Variants in LPAR3 observed in about 807,000 individuals in gnomAD.
LPAR3 encodes the protein lysophosphatidic acid receptor 3.
LPAR3 carries 7 observed loss-of-function variants against 17.8 expected under a neutral mutation model. The ratio of observed to expected loss-of-function variants is 0.39; its 90% confidence interval spans 0.22 to 0.74. The LOEUF (loss-of-function observed/expected upper bound fraction) is 0.74, where lower values mean the gene tolerates loss of function less well. Ranked by LOEUF, LPAR3 falls within the 30% of genes least tolerant of loss-of-function variation. The pLI is 0.40. For synonymous variants in LPAR3, 179 were observed against 179.9 expected, an observed-to-expected ratio of 0.99 and a Z score of 0.04; for missense variants, 391 against 453.4, an observed-to-expected ratio of 0.86 and a Z score of 1.25.
Position 84,813,687 on chromosome 1 carries a change from A to G in LPAR3, c.*159T>C, listed in dbSNP as rs371332518. The G allele has an allele frequency of 3.3e-6, 2 of 612,730 alleles. No individual in the cohort carries two copies. Among genetic ancestry groups the G allele is most frequent in the Admixed American group, 3.0e-5 (1 of 33,856 alleles). The allele number at this position is 612,730 out of a possible 1,614,324, so 38.0% of individuals were successfully genotyped here. A position where few individuals can be genotyped will look rare whatever the true frequency, so the allele number is the denominator to read the frequency against. ...GCAGCAGGTCCTCTCTTTACTGCCCATGCTTTTAAACTATGAAAAAAAATT... is the reference window on the plus strand; with the variant it reads ...GCAGCAGGTCCTCTCTTTACTGCCCGTGCTTTTAAACTATGAAAAAAAATT... On this transcript the variant is annotated 3_prime_UTR_variant, in exon 3 of 3. Coordinates refer to ENST00000370611, the MANE Select transcript of LPAR3 (RefSeq NM_012152.3).
At chr1:84,862,063 T>C (rs1659950596) in intron 2 of LPAR3, among the ~76,000 whole-genome samples, 2 of 152,186 alleles carry the variant, frequency 1.3e-5, no homozygotes, top group African/African-American at 4.8e-5. Flanking sequence ...TATTATAATA[T>C]GATGAGAAAA....
chr1:84,830,018 C>T (rs1289012720), intron 2 of LPAR3, among the ~76,000 whole-genome samples: 2 of 152,176 alleles, frequency 1.3e-5, no homozygotes, highest in African/African-American at 4.8e-5. Flanking sequence ...TAGTCCCACA[C>T]CTGTAAAACC....
chr1:84,885,542 T>C (rs1407388763), intron 1 of LPAR3, among the ~76,000 whole-genome samples: 4 of 152,230 alleles, frequency 2.6e-5, no homozygotes. Context: ...TCTTTCTTCC[T>C]TTCCCTTCTC....
intron 2 of LPAR3, among the ~76,000 whole-genome samples, chr1:84,842,004 A>T (rs576549707): frequency 1.3e-5 from 2 of 152,204 alleles, no homozygotes; most frequent in Non-Finnish European, 2.9e-5. Flanking sequence ...GACAGAAAAA[A>T]AAAAGTTTGT....
chr1:84,888,310 T>C (rs1660496818), intron 1 of LPAR3, among the ~76,000 whole-genome samples: 1 of 152,046 alleles, frequency 6.6e-6, no homozygotes, highest in Non-Finnish European at 1.5e-5. Flanking sequence ...CATGTGATAG[T>C]TTTTGTCCAG....
At chr1:84,883,619 G>T (rs1393793959) in intron 1 of LPAR3, among the ~76,000 whole-genome samples, 1 of 152,138 alleles carries the variant, frequency 6.6e-6, no homozygotes, top group Non-Finnish European at 1.5e-5. Flanking sequence ...CCCACAGTGA[G>T]ATGGGCAGTT....
At chr1:84,836,262 C>A (rs1457127821) in intron 2 of LPAR3, among the ~76,000 whole-genome samples, 1 of 148,576 alleles carries the variant, frequency 6.7e-6, no homozygotes, top group Non-Finnish European at 1.5e-5. Context: ...TGCTTGAGCC[C>A]AGGAAGTCAT....
intron 1 of LPAR3, among the ~76,000 whole-genome samples, chr1:84,870,412 T>A (rs185070713): frequency 2.2e-4 from 33 of 152,356 alleles, no homozygotes; most frequent in Admixed American, 5.9e-4. Flanking sequence ...ATTTGTTGAA[T>A]GAATGAATGA....
chr1:84,865,698 G>T lies in LPAR3; in HGVS notation c.423C>A (p.Thr141=). The T allele has an allele frequency of 6.2e-7, 1 of 1,614,164 alleles. No individual in the cohort carries two copies. The highest frequency in any genetic ancestry group is 1.1e-5 in the South Asian group (1 of 91,078). Residue 141 remains threonine, a synonymous_variant, in exon 2 of 3, where the codon ACC becomes ACA. Coordinates refer to ENST00000370611, the MANE Select transcript of LPAR3 (RefSeq NM_012152.3). Reference sequence around the variant, plus strand: ...AAATGAGCAGTGTCACCCTCTTTTTGGTCAGGTTGCTATGGACCCGCATCC... The same window carrying T: ...AAATGAGCAGTGTCACCCTCTTTTTTGTCAGGTTGCTATGGACCCGCATCC... ...IMRMRVHSNL[T]KKRVTLLILL... is the part of the protein sequence containing the mutation.
chr1:84,887,570 C>A (rs538755720), intron 1 of LPAR3, among the ~76,000 whole-genome samples: 7 of 152,074 alleles, frequency 4.6e-5, no homozygotes, highest in African/African-American at 1.7e-4. Context: ...CAAAGGGAAA[C>A]GAAGGAAAAA....
intron 1 of LPAR3, among the ~76,000 whole-genome samples, chr1:84,868,259 G>C (rs1660091455): frequency 6.6e-6 from 1 of 152,132 alleles, no homozygotes; most frequent in African/African-American, 2.4e-5. Context: ...ACAGGCGCAT[G>C]CCAGCACGCC....
At chr1:84,891,160 T>TAAAAAAA (rs546045989) in intron 1 of LPAR3, among the ~76,000 whole-genome samples, 6 of 144,620 alleles carry the variant, frequency 4.1e-5, no homozygotes, top group Non-Finnish European at 6.1e-5. Flanking sequence ...TCTGATCTGA[T>TAAAAAAA]AAAAAAAAAA....
chr1:84,829,720 A>G (rs1489392324), intron 2 of LPAR3, among the ~76,000 whole-genome samples: 1 of 152,142 alleles, frequency 6.6e-6, no homozygotes, highest in African/African-American at 2.4e-5. Context: ...AGAAAAAGAA[A>G]CACTCTTTGG....
chr1:84,877,493 T>TC (rs930814685), intron 1 of LPAR3, among the ~76,000 whole-genome samples: 5 of 152,130 alleles, frequency 3.3e-5, no homozygotes, highest in Admixed American at 1.3e-4. Flanking sequence ...AGAAGGGGGC[T>TC]CAGGAATAAG....
At chr1:84,828,845 T>C (rs1257343187) in intron 2 of LPAR3, among the ~76,000 whole-genome samples, 2 of 152,216 alleles carry the variant, frequency 1.3e-5, no homozygotes, top group East Asian at 3.8e-4. Flanking sequence ...AACACTCCAT[T>C]GATTCCATTG....
chr1:84,856,488 A>C (rs1659831300), intron 2 of LPAR3, among the ~76,000 whole-genome samples: 1 of 152,248 alleles, frequency 6.6e-6, no homozygotes, highest in African/African-American at 2.4e-5. Flanking sequence ...AGCAACTACA[A>C]GGCCACAGAA....
intron 2 of LPAR3, among the ~76,000 whole-genome samples, chr1:84,835,340 C>T (rs1441870007): frequency 6.6e-6 from 1 of 152,210 alleles, no homozygotes; most frequent in East Asian, 1.9e-4. Flanking sequence ...ATGTAATCTA[C>T]CCCACAGCAT....
intron 2 of LPAR3, among the ~76,000 whole-genome samples, chr1:84,849,126 T>G (rs947838400): frequency 3.9e-5 from 6 of 152,022 alleles, no homozygotes; most frequent in African/African-American, 1.4e-4. Context: ...CCTATAATCC[T>G]AGCACTTTGG....
At chr1:84,858,829 C>G (rs571560571) in intron 2 of LPAR3, among the ~76,000 whole-genome samples, 1 of 152,074 alleles carries the variant, frequency 6.6e-6, no homozygotes, top group South Asian at 2.1e-4. Flanking sequence ...CAATTAAGTA[C>G]GTTGATTGTT....
Sources: allele counts gnomAD v4.1 joint callset (sites outside exome capture counted in the v4.1 genomes callset), GRCh38; gene constraint gnomAD v4.1.1; transcripts MANE v1.5; gene names NCBI Gene and HGNC (gene_info 2026-07-23, HGNC 2026-07-21).